The following CDC23 variants were observed in gnomAD, a reference collection of about 807,000 sequenced individuals.
The protein encoded by CDC23 is cell division cycle 23.
CDC23 carries 26 observed loss-of-function variants against 81.7 expected under a neutral mutation model. That is an observed-to-expected ratio of 0.32 (90% CI 0.23 to 0.44). The LOEUF is 0.44. CDC23 is among the 20% of genes least tolerant of loss of function. The pLI is 1.00. For missense variants in CDC23, 519 were observed against 728.0 expected (o/e 0.71, Z 3.30); for synonymous variants, 267 against 270.8 (o/e 0.99, Z 0.14).
At chr5:138,201,508 T>TTC in intron 4 of CDC23, 60 bp from the exon 5 acceptor site, 1 of 1,085,102 alleles carries the variant, frequency 9.2e-7, no homozygotes, top group Non-Finnish European at 1.3e-6. Flanking sequence ...TTTTCTTATT[T>TTC]TATTTATTTA....
At chr5:138,197,522 A>C (rs1754929786) in intron 9 of CDC23, among the ~76,000 whole-genome samples, 1 of 143,960 alleles carries the variant, frequency 6.9e-6, no homozygotes, top group South Asian at 2.1e-4. Context: ...TTTGAGACGG[A>C]GTCTCACTCT....
chr5:138,193,323 T>C (rs1754846514), intron 9 of CDC23, among the ~76,000 whole-genome samples: 2 of 152,158 alleles, frequency 1.3e-5, no homozygotes, highest in African/African-American at 4.8e-5. Context: ...AGGCTGGGCA[T>C]GGTGACTCAC....
chr5:138,212,891 CTG>C, intron 2 of CDC23, 98 bp downstream of exon 2: 1 of 900,548 alleles, frequency 1.1e-6, no homozygotes, highest in Non-Finnish European at 1.8e-6. Flanking sequence ...ACAAACATTT[CTG>C]CTAAGCAGTT....
chr5:138,188,811 C>T lies in CDC23; in HGVS notation c.*167G>A. On this transcript the variant is annotated 3_prime_UTR_variant, in exon 16 of 16. Coordinates refer to ENST00000394886, the MANE Select transcript of CDC23 (RefSeq NM_004661.4). ...GATAATGTCTGTTCCTGCCAGGATT[C>T]TGTCAGTTGGCCTCTGAAGGTAATT... 1 of 528,428 alleles carries T rather than the reference C, an allele frequency of 1.9e-6. No homozygotes were observed. Among genetic ancestry groups the T allele is most frequent in the Non-Finnish European group, 3.3e-6 (1 of 307,550 alleles). The allele number at this position is 528,428 out of a possible 1,614,324, so 32.7% of individuals were successfully genotyped here. A position where few individuals can be genotyped will look rare whatever the true frequency, so the allele number is the denominator to read the frequency against.
Position 138,189,145 on chromosome 5 carries a change from G to A in CDC23, c.1627C>T (p.Arg543Trp), listed in dbSNP as rs1754794413. 1 of 1,612,498 alleles carries A rather than the reference G, an allele frequency of 6.2e-7. No individual in the cohort carries two copies. Among genetic ancestry groups the A allele is most frequent in the Non-Finnish European group, 8.5e-7 (1 of 1,179,312 alleles). The change falls in exon 16 of 16, where the codon CGG becomes TGG. Residue 543 changes from arginine (R) to tryptophan (W), a missense_variant. Coordinates refer to ENST00000394886, the MANE Select transcript of CDC23 (RefSeq NM_004661.4). ...AQKCCAFNDT[R>W]EEGKALLRQI... is the part of the protein sequence containing the mutation. ...CGGAGTAAGGCCTTACCTTCTTCCCGGGTCTGCAACAAAGTCAGGGAAATG... is the reference window on the plus strand; with the variant it reads ...CGGAGTAAGGCCTTACCTTCTTCCCAGGTCTGCAACAAAGTCAGGGAAATG...
chr5:138,205,924 C>A (rs1450196284), intron 3 of CDC23: 1 of 152,006 alleles, frequency 6.6e-6, no homozygotes, highest in Non-Finnish European at 1.5e-5. Context: ...TGCAAATATA[C>A]CAAAATCTGA....
rs902294592 is a variant in CDC23, at chr5:138,188,490, A to G, written c.*488T>C. The G allele has an allele frequency of 6.6e-6, 1 of 152,460 alleles. No individual in the cohort carries two copies. The highest frequency in any genetic ancestry group is 2.4e-5 in the African/African-American group (1 of 41,434). 9.4% of individuals were successfully genotyped at this position (152,460 alleles called of 1,614,324 possible). ...ATTCCATTTAAACCTAATCTCTGAC[A>G]TCAGAATAGGGATCATGCTCAGCAA... On this transcript the variant is annotated 3_prime_UTR_variant, in exon 16 of 16. Coordinates refer to ENST00000394886, the MANE Select transcript of CDC23 (RefSeq NM_004661.4).
chr5:138,206,132 TAA>T (rs1755045328), intron 3 of CDC23: 1 of 223,430 alleles, frequency 4.5e-6, no homozygotes, highest in Non-Finnish European at 8.7e-6. Context: ...AATACAGTAT[TAA>T]GTTGGTTTAC....
chr5:138,195,482 C>A (rs1280939429), intron 9 of CDC23, among the ~76,000 whole-genome samples: 2 of 130,946 alleles, frequency 1.5e-5, no homozygotes, highest in African/African-American at 5.8e-5. Flanking sequence ...TGCTATACTG[C>A]AGTATACATA....
At chr5:138,191,776 A>C (rs979052034) in intron 12 of CDC23, 86 bp downstream of exon 12, 3 of 1,144,988 alleles carry the variant, frequency 2.6e-6, no homozygotes, top group Non-Finnish European at 4.0e-6. Flanking sequence ...AGATCAGAAT[A>C]AGGGAAAAAT....
chr5:138,196,461 T>C (rs976529683), intron 9 of CDC23, among the ~76,000 whole-genome samples: 2 of 150,480 alleles, frequency 1.3e-5, no homozygotes. Context: ...TAGCTAATTT[T>C]TGTATTTTTA....
rs1310347712 is a variant in CDC23, at chr5:138,201,204, T to C, written c.557A>G (p.Lys186Arg). 4.3e-6 allele frequency: 7 copies of C among 1,614,050 alleles called. No individual in the cohort carries two copies. Among genetic ancestry groups the C allele is most frequent in the African/African-American group, 1.3e-5 (1 of 74,922 alleles). Residue 186 changes from lysine (K) to arginine (R), a missense_variant, in exon 6 of 16, where the codon AAA (lysine) becomes AGA (arginine). By Grantham distance (26) the Lys-to-Arg change is conservative (BLOSUM62 2). Around this residue, in one of 4 missense-constraint regions of CDC23, gnomAD observed 180 missense variants for 239.3 expected, o/e 0.75. Coordinates refer to ENST00000394886, the MANE Select transcript of CDC23 (RefSeq NM_004661.4). ...GVVLRKLDLV[K>R]EAIDVFVEAT... Reference sequence around the variant, plus strand: ...TTCCACAAACACATCAATGGCCTCTTTAACCAAGTCCAGTTTTCGAAGCAC... The same window carrying C: ...TTCCACAAACACATCAATGGCCTCTCTAACCAAGTCCAGTTTTCGAAGCAC...
intron 11 of CDC23, 31 bp from the exon 12 acceptor site, chr5:138,191,968 A>G (rs1561632908): frequency 6.3e-7 from 1 of 1,583,702 alleles, no homozygotes; most frequent in Admixed American, 1.7e-5. Flanking sequence ...GTCTGAGCAA[A>G]GACTTTACAG....
chr5:138,212,574 C>G (rs1185740207), intron 2 of CDC23, among the ~76,000 whole-genome samples: 2 of 152,166 alleles, frequency 1.3e-5, no homozygotes, highest in East Asian at 3.9e-4. Flanking sequence ...CCTCGGCCTC[C>G]TAAAGTGTTG....
intron 6 of CDC23, among the ~76,000 whole-genome samples, chr5:138,200,456 C>T (rs1262541872): frequency 1.3e-5 from 2 of 152,046 alleles, no homozygotes; most frequent in African/African-American, 2.4e-5. Context: ...CAATTCTTGA[C>T]AGCAGAGAAA....
At chr5:138,197,163 G>A (rs1338989832) in intron 9 of CDC23, among the ~76,000 whole-genome samples, 2 of 149,986 alleles carry the variant, frequency 1.3e-5, no homozygotes, top group Admixed American at 6.6e-5. Context: ...AAAATTAGCC[G>A]GGCGTGGTGG....
intron 2 of CDC23, among the ~76,000 whole-genome samples, chr5:138,209,431 AAAAGAAAAGAAAAG>A (rs1351527540): frequency 1.4e-5 from 2 of 139,872 alleles, no homozygotes; most frequent in African/African-American, 6.4e-5. Context: ...CAAAAAAAAA[AAAAGAAAAGAAAAG>A]AAAAGAAAAG....
chr5:138,198,227 T>C lies in CDC23; in HGVS notation c.984A>G (p.Lys328=). ...TTACACAGCACGTTTCTACACGATATTTATCAATCTCACAGAGGTTATGAG... is the reference window on the plus strand; with the variant it reads ...TTACACAGCACGTTTCTACACGATACTTATCAATCTCACAGAGGTTATGAG... The part of the protein sequence containing the change: ...YLAHNLCEID[K]YRVETCCVIG... The change falls in exon 9 of 16, where the codon AAA becomes AAG. Residue 328 remains lysine (K), a synonymous_variant. Coordinates refer to ENST00000394886, the MANE Select transcript of CDC23 (RefSeq NM_004661.4). 1 of 1,613,426 alleles carries C rather than the reference T, an allele frequency of 6.2e-7. No homozygotes were observed. Among genetic ancestry groups the C allele is most frequent in the Non-Finnish European group, 8.5e-7 (1 of 1,179,420 alleles).
intron 13 of CDC23, among the ~76,000 whole-genome samples, chr5:138,190,974 T>C (rs1341653512): frequency 6.6e-6 from 1 of 152,208 alleles, no homozygotes; most frequent in Non-Finnish European, 1.5e-5. Context: ...TTTGAGTTAT[T>C]CCTAATTTTT....
Sources: allele counts gnomAD v4.1 joint callset (sites outside exome capture counted in the v4.1 genomes callset), GRCh38; gene constraint gnomAD v4.1.1; regional missense constraint gnomAD v4.1.1; transcripts MANE v1.5; gene names NCBI Gene and HGNC (gene_info 2026-07-23, HGNC 2026-07-21).